RPS19BP1: variants seen among roughly 807,000 people sequenced by gnomAD.
The protein encoded by RPS19BP1 is active regulator of SIRT1.
RPS19BP1 carries 14 observed loss-of-function variants against 16.6 expected under a neutral mutation model. The ratio of observed to expected loss-of-function variants is 0.84; its 90% CI spans 0.56 to 1.32. The LOEUF (loss-of-function observed/expected upper bound fraction) is 1.32, where lower values mean the gene tolerates loss of function less well. Ranked by LOEUF, RPS19BP1 falls within the 40% of genes most tolerant of loss-of-function variation. The pLI is 0.00. For missense variants in RPS19BP1, 188 were observed against 178.6 expected, an observed-to-expected ratio of 1.05 and a Z score of -0.30; for synonymous variants, 90 against 77.3, an observed-to-expected ratio of 1.16 and a Z score of -0.86.
At chr22:39,532,619 G>T in intron 1 of RPS19BP1, 68 bp downstream of exon 1, 1 of 1,600,576 alleles carries the variant, frequency 6.2e-7, no homozygotes. Flanking sequence ...TTTCCATCCA[G>T]GGCTCCCGCC....
In RPS19BP1 at chr22:39,529,225, A is replaced by AC. The variant is rs577987805; in HGVS notation, c.*266dup. The AC allele has an allele frequency of 1.4e-4, 68 of 502,160 alleles. No individual in the cohort carries two copies. Among genetic ancestry groups the AC allele is most frequent in the Middle Eastern group, 1.1e-3 (2 of 1,770 alleles). The allele number at this position is 502,160 out of a possible 1,614,324, so 31.1% of individuals were successfully genotyped here. A position where few individuals can be genotyped will look rare whatever the true frequency, so the allele number is the denominator to read the frequency against. ...AGAGGCCCCACCTGGGCAAAAGCAA[A>AC]CAAAACAGATACGTTCCTTTCCGGC... On this transcript the variant is annotated 3_prime_UTR_variant, in exon 4 of 4. Coordinates refer to ENST00000334678, the MANE Select transcript of RPS19BP1 (RefSeq NM_194326.4).
chr22:39,529,660 A>G, intron 3 of RPS19BP1, 37 bp from the exon 4 acceptor site: 2 of 1,610,490 alleles, frequency 1.2e-6, no homozygotes, highest in Non-Finnish European at 1.7e-6. Flanking sequence ...CATCATTTCA[A>G]GAGCAGAGGA....
chr22:39,530,205 T>A (rs1005749115), intron 2 of RPS19BP1: 2 of 404,202 alleles, frequency 4.9e-6, no homozygotes, highest in African/African-American at 4.1e-5. Flanking sequence ...ACCCAGTATT[T>A]TAGAAGCGCA....
chr22:39,530,197 C>A, intron 2 of RPS19BP1: 1 of 428,284 alleles, frequency 2.3e-6, no homozygotes, highest in South Asian at 3.3e-5. Context: ...GACAAAGGAC[C>A]CAGTATTTTA....
Position 39,532,469 on chromosome 22 carries a change from G to A in RPS19BP1, c.107C>T (p.Pro36Leu). The change falls in exon 2 of 4, where the codon CCC becomes CTC. Residue 36 changes from proline (P) to leucine (L), a missense_variant. Transcript: ENST00000334678. Reference sequence around the variant, plus strand: ...GGCCTGAATTGCCTTCGTCTTCCGGGGCCGTTTCACCGGAGCCCCTCTCGG... The same window carrying A: ...GGCCTGAATTGCCTTCGTCTTCCGGAGCCGTTTCACCGGAGCCCCTCTCGG... ...AKPRGAPVKR[P>L]RKTKAIQAQK... 1 of 1,614,224 alleles carries A rather than the reference G, an allele frequency of 6.2e-7. No homozygotes were observed. The highest frequency in any genetic ancestry group is 8.5e-7 in the Non-Finnish European group (1 of 1,180,026).
At chr22:39,530,378 C>T in intron 2 of RPS19BP1, 1 of 219,236 alleles carries the variant, frequency 4.6e-6, no homozygotes, top group South Asian at 4.7e-5. Context: ...AGGGAACACC[C>T]AGTGCAAAGG....
chr22:39,530,213 G>A (rs1931271961), intron 2 of RPS19BP1: 2 of 376,106 alleles, frequency 5.3e-6, no homozygotes, highest in Admixed American at 4.5e-5. Flanking sequence ...TTTTAGAAGC[G>A]CAAACATTTC....
At chr22:39,530,611 G>A (rs897502622) in intron 2 of RPS19BP1, 6 of 217,836 alleles carry the variant, frequency 2.8e-5, no homozygotes, top group South Asian at 2.0e-4. Context: ...TGTAATCCCA[G>A]CTACTCGGGA....
rs1175226524 is a variant in RPS19BP1 at position 39,529,300 on chromosome 22, G to GT, written c.*191dup. 1 of 719,014 alleles carries GT rather than the reference G, an allele frequency of 1.4e-6. No homozygotes were observed. The highest frequency in any genetic ancestry group is 2.2e-6 in the Non-Finnish European group (1 of 444,694). The allele number at this position is 719,014 out of a possible 1,614,324, so 44.5% of individuals were successfully genotyped here. The stretch of plus-strand genomic sequence containing the variant: ...TGCGGAAGCCAGCTCCGGTCTGTGT[G>GT]TAAATCCTCCCCAGGACTTCCGGCC... On this transcript the variant is annotated 3_prime_UTR_variant, in exon 4 of 4. Transcript: ENST00000334678.
Position 39,529,415 on chromosome 22 carries a change from C to T in RPS19BP1, c.*77G>A. On this transcript the variant is annotated 3_prime_UTR_variant, in exon 4 of 4. Transcript: ENST00000334678. ...GCATCGCCATCTGCTGGCCGCGCGGCACGGCCGGTTCCTGGAGCCAGCAGG... is the reference window on the plus strand; with the variant it reads ...GCATCGCCATCTGCTGGCCGCGCGGTACGGCCGGTTCCTGGAGCCAGCAGG... 3 of 1,573,256 alleles carry T rather than the reference C, an allele frequency of 1.9e-6. No individual in the cohort carries two copies. Among genetic ancestry groups the T allele is most frequent in the Non-Finnish European group, 2.6e-6 (3 of 1,159,158 alleles).
rs779035154 is a variant in RPS19BP1 at position 39,529,636 on chromosome 22, C to T, written c.280-13G>A. 3.5e-5 allele frequency: 57 copies of T among 1,612,974 alleles called. No homozygotes were observed. In the South Asian group the frequency reaches 3.6e-4, roughly 10 times the overall value. On this transcript the variant is annotated splice_polypyrimidine_tract_variant and intron_variant, in intron 3 of 3. Transcript: ENST00000334678. Reference sequence around the variant, plus strand: ...TCTGGCGCAAAATCTGGCGAGGGTGCGGGACCGAGGGCCCATCATTTCAAG... The same window carrying T: ...TCTGGCGCAAAATCTGGCGAGGGTGTGGGACCGAGGGCCCATCATTTCAAG...
chr22:39,532,659 C>T (rs1234449950), intron 1 of RPS19BP1, 28 bp downstream of exon 1: 5 of 1,565,004 alleles, frequency 3.2e-6, no homozygotes, highest in Admixed American at 3.8e-5. Context: ...CTGCCCGCGC[C>T]GGACGTCCCC....
At position 39,529,448 on chromosome 22, in the gene RPS19BP1, G is replaced by A. The variant is rs1297761830; in HGVS notation, c.*44C>T. 4 of 1,609,410 alleles carry A rather than the reference G, an allele frequency of 2.5e-6. No individual in the cohort carries two copies. The highest frequency in any genetic ancestry group is 1.1e-5 in the South Asian group (1 of 90,428). On this transcript the variant is annotated 3_prime_UTR_variant, in exon 4 of 4. Coordinates refer to ENST00000334678, the MANE Select transcript of RPS19BP1 (RefSeq NM_194326.4). ...GTTCCTGGAGCCAGCAGGAGTCGGA[G>A]GCTGCAGGGCTTGAAGGCCTCTTCA...
intron 2 of RPS19BP1, chr22:39,531,656 C>G (rs928264561): frequency 1.3e-5 from 2 of 152,310 alleles, no homozygotes; most frequent in Non-Finnish European, 2.9e-5. Flanking sequence ...AGCCACTGCC[C>G]AGGCCACAGC....
intron 2 of RPS19BP1, 74 bp downstream of exon 2, chr22:39,532,321 C>T: frequency 1.2e-6 from 2 of 1,606,594 alleles, no homozygotes; most frequent in East Asian, 2.2e-5. Flanking sequence ...TCAAGCCCTG[C>T]CTCAAGCGCC....
intron 2 of RPS19BP1, chr22:39,530,477 A>G (rs1371090421): frequency 7.9e-6 from 2 of 253,006 alleles, no homozygotes; most frequent in Non-Finnish European, 8.1e-6. Flanking sequence ...TAATCTCAGC[A>G]CTTTGGGAGG....
intron 2 of RPS19BP1, chr22:39,532,027 C>T (rs1300688151): frequency 1.8e-5 from 4 of 227,174 alleles, no homozygotes; most frequent in Admixed American, 5.6e-5. Context: ...CTACTTTTCA[C>T]CTAGCTCACT....
Position 39,532,710 on chromosome 22 carries a change from A to C in RPS19BP1, c.29T>G (p.Leu10Arg). 6.5e-7 allele frequency: 1 copy of C among 1,543,112 alleles called. No homozygotes were observed. The highest frequency in any genetic ancestry group is 8.7e-7 in the Non-Finnish European group (1 of 1,146,954). ...ACCCTCGGACGCCGCCAGCAGCTCC[A>C]GGCCCCGCCGCAGCAGGGCGGCGGA... MSAALLRRG[L>R]ELLAASEAPR... is the part of the protein sequence containing the mutation. Residue 10 changes from leucine to arginine, a missense_variant, in exon 1 of 4, where the codon CTG becomes CGG. By Grantham distance (102) the Leu-to-Arg change is moderately radical. Transcript: ENST00000334678.
chr22:39,530,589 G>A (rs781392069), intron 2 of RPS19BP1: 46 of 262,540 alleles, frequency 1.8e-4, no homozygotes, highest in Non-Finnish European at 3.2e-4. Context: ...GCTGGGTGTG[G>A]TGGTGGGCAC....
Sources: allele counts gnomAD v4.1 joint callset, GRCh38; gene constraint gnomAD v4.1.1; transcripts MANE v1.5; gene names NCBI Gene and HGNC (gene_info 2026-07-23, HGNC 2026-07-21).